Variants in SPTBN1 observed in about 807,000 individuals in gnomAD.
SPTBN1 encodes the protein spectrin beta chain, non-erythrocytic 1.
A neutral mutation model predicts 266.4 loss-of-function variants in SPTBN1; 32 were observed. The observed-to-expected ratio is 0.12, with a 90% CI of 0.09 to 0.16. The LOEUF is 0.16. Ranked by LOEUF, SPTBN1 falls within the 10% of genes least tolerant of loss-of-function variation. The pLI, the probability that SPTBN1 is intolerant of heterozygous loss-of-function variation, is 1.00. For synonymous variants in SPTBN1, 1,336 were observed against 1,162.2 expected (o/e 1.15, Z -3.04); for missense variants, 2,296 against 3,067.1 (o/e 0.75, Z 5.94).
intron 1 of SPTBN1, among the ~76,000 whole-genome samples, chr2:54,471,936 ACTTG>A (rs1693944378): frequency 2.0e-5 from 2 of 98,548 alleles, no homozygotes; most frequent in Non-Finnish European, 4.2e-5. Context: ...CTGAAACTTC[ACTTG>A]TAGTTCTTCT....
intron 1 of SPTBN1, among the ~76,000 whole-genome samples, chr2:54,524,434 A>T (rs150778362): frequency 6.6e-6 from 1 of 152,018 alleles, no homozygotes. Flanking sequence ...CAGTTTCTCA[A>T]TGTCTCGGGT....
intron 18 of SPTBN1, among the ~76,000 whole-genome samples, chr2:54,641,087 T>G (rs1482544681): frequency 2.0e-5 from 3 of 152,268 alleles, no homozygotes; most frequent in Non-Finnish European, 4.4e-5. Flanking sequence ...CTGCACAGTG[T>G]TCTTTTCTGC....
intron 2 of SPTBN1, among the ~76,000 whole-genome samples, chr2:54,595,904 C>G (rs1676049761): frequency 6.6e-6 from 1 of 152,186 alleles, no homozygotes. Context: ...TAGACATTGC[C>G]AAACTGCTAA....
At chr2:54,529,056 C>T (rs1671027715) in intron 2 of SPTBN1, among the ~76,000 whole-genome samples, 1 of 152,200 alleles carries the variant, frequency 6.6e-6, no homozygotes, top group Admixed American at 6.5e-5. Context: ...CAGAACAATT[C>T]AGTAGTGTCT....
In SPTBN1 at chr2:54,558,216, G is replaced by A. The variant is rs1673008460; in HGVS notation, c.148+31650G>A. 3 of 985,392 alleles carry A rather than the reference G, an allele frequency of 3.0e-6. No individual in the cohort carries two copies. The highest frequency in any genetic ancestry group is 2.3e-4 in the East Asian group (2 of 8,806). 61.0% of individuals were successfully genotyped at this position (985,392 alleles called of 1,614,324 possible). A position where few individuals can be genotyped will look rare whatever the true frequency, so the allele number is the denominator to read the frequency against. ...CGGGCGGCTGGGGCGACCGCGGACC[G>A]TGCGGGACCGGTAGGGGGTCGCGGG... On this transcript the variant is annotated intron_variant, in intron 2 of 35. Transcript: ENST00000356805. This position sits in a 1 kb window ranked among gnomAD's most constrained non-coding sequence, Gnocchi z 4.6.
chr2:54,543,909 C>T (rs375642179), intron 2 of SPTBN1, among the ~76,000 whole-genome samples: 16 of 152,206 alleles, frequency 1.1e-4, no homozygotes, highest in Admixed American at 4.6e-4. Context: ...TGGCTCTTAC[C>T]GGAAGAGGGT....
intron 1 of SPTBN1, among the ~76,000 whole-genome samples, chr2:54,486,126 G>A (rs560076207): frequency 8.8e-5 from 13 of 147,362 alleles, no homozygotes; most frequent in South Asian, 4.5e-4. Flanking sequence ...CCGGCCAGCC[G>A]CCCCGTCTGG....
chr2:54,613,959 C>T (rs898355255), intron 4 of SPTBN1, among the ~76,000 whole-genome samples: 4 of 152,194 alleles, frequency 2.6e-5, no homozygotes, highest in African/African-American at 9.7e-5. Flanking sequence ...CGGGTCAGCA[C>T]CCAGGTCAGG....
rs1256177359 is a variant in SPTBN1, at chr2:54,613,950, G to A, written c.474+1616G>A. Among the ~76,000 whole-genome samples, 5 of 152,208 alleles carry A rather than the reference G, an allele frequency of 3.3e-5. No homozygotes were observed. The East Asian group carries it at 7.7e-4, about 23-fold the overall frequency. On this transcript the variant is annotated intron_variant, in intron 4 of 35. Coordinates refer to ENST00000356805, the MANE Select transcript of SPTBN1 (RefSeq NM_003128.3). ...CCTGACTGTGGGCTATCTTGACAGCGGGTCAGCACCCAGGTCAGGGAGCTG... is the reference window on the plus strand; with the variant it reads ...CCTGACTGTGGGCTATCTTGACAGCAGGTCAGCACCCAGGTCAGGGAGCTG...
intron 1 of SPTBN1, among the ~76,000 whole-genome samples, chr2:54,506,214 G>T (rs1323905966): frequency 6.6e-6 from 1 of 152,050 alleles, no homozygotes; most frequent in Non-Finnish European, 1.5e-5. Flanking sequence ...TCCTCTCTTG[G>T]CCCTGGGACC....
chr2:54,462,808 A>G (rs1285222163), intron 1 of SPTBN1, among the ~76,000 whole-genome samples: 1 of 152,256 alleles, frequency 6.6e-6, no homozygotes, highest in Non-Finnish European at 1.5e-5. Context: ...AGTGGGGGTT[A>G]AAACATGGCA....
intron 27 of SPTBN1, among the ~76,000 whole-genome samples, chr2:54,654,241 G>A (rs1267719481): frequency 6.6e-6 from 1 of 152,152 alleles, no homozygotes; most frequent in Non-Finnish European, 1.5e-5. Flanking sequence ...TTATTTTTCT[G>A]TGCCTGCTTT....
At chr2:54,572,087 G>T (rs1400273585) in intron 2 of SPTBN1, among the ~76,000 whole-genome samples, 1 of 151,864 alleles carries the variant, frequency 6.6e-6, no homozygotes, top group Non-Finnish European at 1.5e-5. Flanking sequence ...CTAGGACTCT[G>T]CTGGGTGCTG....
intron 1 of SPTBN1, among the ~76,000 whole-genome samples, chr2:54,498,761 A>C (rs1044974798): frequency 6.6e-6 from 1 of 152,214 alleles, no homozygotes; most frequent in African/African-American, 2.4e-5. Context: ...GGAAAGCAGA[A>C]AAGTCATTTA....
intron 1 of SPTBN1, among the ~76,000 whole-genome samples, chr2:54,524,623 C>T (rs907943926): frequency 6.6e-6 from 1 of 152,180 alleles, no homozygotes; most frequent in Admixed American, 6.5e-5. Context: ...GTTTTCCACA[C>T]AGCCCTGGGA....
chr2:54,492,720 C>A (rs1056172397), intron 1 of SPTBN1, among the ~76,000 whole-genome samples: 1 of 152,118 alleles, frequency 6.6e-6, no homozygotes, highest in African/African-American at 2.4e-5. Flanking sequence ...CAAAGATACC[C>A]CCAGCCTGAT....
chr2:54,471,805 T>TTTTTTC (rs2103866490), intron 1 of SPTBN1, among the ~76,000 whole-genome samples: 1 of 147,124 alleles, frequency 6.8e-6, no homozygotes, highest in African/African-American at 2.5e-5. Flanking sequence ...TATCGATTTT[T>TTTTTTC]TTTTTTTTTT....
intron 27 of SPTBN1, 105 bp from the exon 28 acceptor site, chr2:54,654,965 C>G (rs1454508652): frequency 1.5e-6 from 1 of 649,006 alleles, no homozygotes; most frequent in Non-Finnish European, 2.1e-6. Context: ...CCATCAGTTT[C>G]TTTCAAGGCC....
chr2:54,580,021 A>T (rs1674775606), intron 2 of SPTBN1, among the ~76,000 whole-genome samples: 1 of 152,206 alleles, frequency 6.6e-6, no homozygotes, highest in African/African-American at 2.4e-5. Flanking sequence ...TATGTAAATA[A>T]TTAACAGGGG....
Sources: gnomAD v4.1 joint callset for allele counts (sites outside exome capture counted in the v4.1 genomes callset) on GRCh38, gnomAD v4.1.1 for gene constraint, Gnocchi (gnomAD v3.1) non-coding constraint, MANE v1.5 for transcripts, NCBI Gene and HGNC (gene_info 2026-07-23, HGNC 2026-07-21) for gene names.